ZNF423: variants seen among roughly 807,000 people sequenced by gnomAD.
ZNF423 encodes the protein zinc finger protein 423, also known as Ebf-associated zinc finger protein.
In ZNF423, 12 loss-of-function variants were observed where a neutral mutation model predicts 95.8. The observed-to-expected ratio is 0.13, with a 90% CI of 0.08 to 0.20. The LOEUF (loss-of-function observed/expected upper bound fraction) is 0.20. Ranked by LOEUF, ZNF423 falls within the 10% of genes least tolerant of loss-of-function variation. The probability of loss-of-function intolerance (pLI) is 1.00; values close to 1 mark genes in which losing one functional copy is unlikely to be tolerated. For missense variants in ZNF423, 1,316 were observed against 1,737.1 expected (o/e 0.76, Z 4.31); for synonymous variants, 749 against 711.9 (o/e 1.05, Z -0.83).
At chr16:49,561,341 C>T (rs897349781) in intron 5 of ZNF423, among the ~76,000 whole-genome samples, 4 of 152,120 alleles carry the variant, frequency 2.6e-5, no homozygotes, top group Non-Finnish European at 5.9e-5. Context: ...GTAACTACAT[C>T]TACTTTACTG....
chr16:49,744,822 C>T (rs924148031), intron 2 of ZNF423, among the ~76,000 whole-genome samples: 8 of 152,332 alleles, frequency 5.3e-5, no homozygotes, highest in African/African-American at 1.9e-4. Flanking sequence ...ACACCCCACA[C>T]CCCACTCACC....
intron 5 of ZNF423, among the ~76,000 whole-genome samples, chr16:49,573,264 G>C (rs944831243): frequency 6.6e-6 from 1 of 152,154 alleles, no homozygotes; most frequent in African/African-American, 2.4e-5. Flanking sequence ...AGGATGCTGG[G>C]AGACTCCAGG....
At chr16:49,599,525 C>A (rs937165113) in intron 5 of ZNF423, among the ~76,000 whole-genome samples, 1 of 152,156 alleles carries the variant, frequency 6.6e-6, no homozygotes, top group Non-Finnish European at 1.5e-5. Flanking sequence ...TCCCAAGACC[C>A]CAGAGCCAGG....
Position 49,638,391 on chromosome 16 carries a change from G to C in ZNF423, c.785C>G (p.Ser262Trp). Residue 262 changes from serine (S) to tryptophan (W), a missense_variant, in exon 4 of 8, where the codon TCG becomes TGG. Physicochemically the swap from Ser to Trp is radical, Grantham distance 177 (BLOSUM62 -3). Coordinates refer to ENST00000563137, the MANE Select transcript of ZNF423 (RefSeq NM_001379286.1). The surrounding 1 kb of genome is among the most constrained non-coding windows in gnomAD (Gnocchi z 5.6). Reference protein sequence around the residue: ...HKKNKEHLAKSEKEAKKDDFM... With the variant: ...HKKNKEHLAKWEKEAKKDDFM... ...GTCGTCCTTCTTGGCTTCCTTCTCC[G>C]ACTTGGCCAGATGCTCCTTGTTCTT... is the stretch of plus-strand genomic sequence containing the variant. 1.9e-6 allele frequency: 3 copies of C among 1,613,896 alleles called. No individual in the cohort carries two copies. Among genetic ancestry groups the C allele is most frequent in the Non-Finnish European group, 2.5e-6 (3 of 1,180,028 alleles).
At chr16:49,790,891 GC>G (rs999560535) in intron 1 of ZNF423, among the ~76,000 whole-genome samples, 1 of 152,184 alleles carries the variant, frequency 6.6e-6, no homozygotes. Flanking sequence ...CAGGGTAACT[GC>G]CCCCATAATA....
intron 1 of ZNF423, among the ~76,000 whole-genome samples, chr16:49,813,849 C>T (rs1326191023): frequency 6.6e-6 from 1 of 152,238 alleles, no homozygotes; most frequent in African/African-American, 2.4e-5. Context: ...TCAGAAGCCA[C>T]CCAGGAAAGG....
intron 2 of ZNF423, among the ~76,000 whole-genome samples, chr16:49,743,980 G>A (rs940069556): frequency 6.6e-6 from 1 of 152,132 alleles, no homozygotes; most frequent in African/African-American, 2.4e-5. Context: ...CCAAGGAGCC[G>A]CTCCCAGTAA....
At chr16:49,843,970 G>A (rs1016044312) in intron 1 of ZNF423, among the ~76,000 whole-genome samples, 2 of 152,160 alleles carry the variant, frequency 1.3e-5, no homozygotes, top group Non-Finnish European at 2.9e-5. Flanking sequence ...AGGCAGGATG[G>A]CAAGGTTATT....
chr16:49,550,259 T>G (rs1006923447), intron 5 of ZNF423, among the ~76,000 whole-genome samples: 1 of 152,258 alleles, frequency 6.6e-6, no homozygotes, highest in Non-Finnish European at 1.5e-5. Context: ...GCAAGTTTCA[T>G]GGAACCACGT....
At chr16:49,515,948 C>T (rs1167267309) in intron 7 of ZNF423, among the ~76,000 whole-genome samples, 1 of 152,182 alleles carries the variant, frequency 6.6e-6, no homozygotes. Context: ...GGGCCCCAGG[C>T]CTTCATCTGC....
chr16:49,531,301 G>T (rs941803836), intron 5 of ZNF423, among the ~76,000 whole-genome samples: 1 of 151,562 alleles, frequency 6.6e-6, no homozygotes, highest in Non-Finnish European at 1.5e-5. Flanking sequence ...ATCAGGTCAA[G>T]TCCTGAGGTC....
chr16:49,731,143 G>A (rs1422294225), intron 2 of ZNF423, among the ~76,000 whole-genome samples, 172 bp from the exon 3 acceptor site: 6 of 152,146 alleles, frequency 3.9e-5, no homozygotes, highest in Non-Finnish European at 8.8e-5. Context: ...AGCATGTGGT[G>A]CCATAATTCT....
intron 3 of ZNF423, among the ~76,000 whole-genome samples, chr16:49,695,037 C>T (rs1420596550): frequency 6.6e-6 from 1 of 152,224 alleles, no homozygotes; most frequent in Non-Finnish European, 1.5e-5. Flanking sequence ...CCAGTCCCTT[C>T]CCCTCCCTGG....
At chr16:49,578,427 T>A (rs1214112994) in intron 5 of ZNF423, among the ~76,000 whole-genome samples, 1 of 151,274 alleles carries the variant, frequency 6.6e-6, no homozygotes, top group Non-Finnish European at 1.5e-5. Flanking sequence ...GGCTTTGGGG[T>A]TTTTTAGCCT....
chr16:49,839,717 A>C (rs2035163348), intron 1 of ZNF423, among the ~76,000 whole-genome samples: 1 of 152,152 alleles, frequency 6.6e-6, no homozygotes, highest in East Asian at 1.9e-4. Flanking sequence ...CTGCTGGCTG[A>C]AGCTGCAGCC....
chr16:49,638,985 C>T lies in ZNF423; in HGVS notation c.302-111G>A, dbSNP rs564497927. The T allele has an allele frequency of 4.3e-5, 63 of 1,450,530 alleles. No homozygotes were observed. The highest frequency in any genetic ancestry group is 3.6e-4 in the Middle Eastern group (2 of 5,516). The allele number at this position is 1,450,530 out of a possible 1,614,324, so 89.9% of individuals were successfully genotyped here. A position where few individuals can be genotyped will look rare whatever the true frequency, so the allele number is the denominator to read the frequency against. On this transcript the variant is annotated intron_variant, in intron 3 of 7. Transcript: ENST00000563137. The surrounding 1 kb of genome is among the most constrained non-coding windows in gnomAD (Gnocchi z 5.6). ...GGGCTGAGGCTGTGCAGCTGGCCAA[C>T]GGCTGCAGGGGGCTGTGGGGAGGGG...
intron 3 of ZNF423, among the ~76,000 whole-genome samples, chr16:49,661,247 A>G (rs1422281676): frequency 1.3e-5 from 2 of 151,976 alleles, no homozygotes; most frequent in African/African-American, 4.8e-5. Flanking sequence ...CACAGACTCA[A>G]CAGTGGGATT....
chr16:49,624,521 C>G (rs1463640819), intron 5 of ZNF423, among the ~76,000 whole-genome samples: 1 of 152,146 alleles, frequency 6.6e-6, no homozygotes, highest in Admixed American at 6.5e-5. Context: ...CCACTGCACT[C>G]CAGCCTGGGT....
intron 3 of ZNF423, among the ~76,000 whole-genome samples, chr16:49,694,802 G>C (rs2031907474): frequency 1.3e-5 from 2 of 152,212 alleles, no homozygotes; most frequent in Non-Finnish European, 2.9e-5. Flanking sequence ...ACAGCATCTT[G>C]AGGTAGGGTA....
Sources: allele counts gnomAD v4.1 joint callset (sites outside exome capture counted in the v4.1 genomes callset), GRCh38; gene constraint gnomAD v4.1.1; non-coding constraint Gnocchi (gnomAD v3.1); transcripts MANE v1.5; gene names NCBI Gene and HGNC (gene_info 2026-07-23, HGNC 2026-07-21).